The following CTNNA3 variants were observed in gnomAD, a reference collection of about 807,000 sequenced individuals.
CTNNA3 encodes catenin alpha-3.
In CTNNA3, 76 loss-of-function variants were observed where a neutral mutation model predicts 95.7. That is an observed-to-expected ratio of 0.79 (90% CI 0.66 to 0.96). CTNNA3 has a LOEUF of 0.96. Among genes scored for constraint, CTNNA3 ranks in the 40% least tolerant of loss-of-function variants. CTNNA3 has a pLI of 0.00. For synonymous variants in CTNNA3, 431 were observed against 374.4 expected, an observed-to-expected ratio of 1.15 and a Z score of -1.74; for missense variants, 1,191 against 1,089.8, an observed-to-expected ratio of 1.09 and a Z score of -1.31.
chr10:66,531,138 A>G (rs1040791455), intron 10 of CTNNA3, among the ~76,000 whole-genome samples: 2 of 152,166 alleles, frequency 1.3e-5, no homozygotes, highest in Non-Finnish European at 2.9e-5. Flanking sequence ...TAAATAAGTA[A>G]AAGAGGAAAA....
intron 11 of CTNNA3, among the ~76,000 whole-genome samples, chr10:66,422,122 A>G (rs1369451639): frequency 6.6e-6 from 1 of 151,956 alleles, no homozygotes; most frequent in Non-Finnish European, 1.5e-5. Flanking sequence ...CCTTAGAAGT[A>G]AACATTGCAC....
intron 5 of CTNNA3, among the ~76,000 whole-genome samples, chr10:67,420,847 C>T (rs1304727906): frequency 6.6e-6 from 1 of 151,890 alleles, no homozygotes; most frequent in African/African-American, 2.4e-5. Flanking sequence ...GATATTAATA[C>T]GTATAAAGTT....
chr10:66,681,278 C>T (rs1589116179), intron 9 of CTNNA3, among the ~76,000 whole-genome samples: 1 of 152,110 alleles, frequency 6.6e-6, no homozygotes, highest in East Asian at 1.9e-4. Context: ...CTCATTCTGC[C>T]ATCAATGTGC....
intron 1 of CTNNA3, among the ~76,000 whole-genome samples, chr10:67,661,876 A>C (rs183836950): frequency 1.7e-4 from 26 of 152,348 alleles, no homozygotes; most frequent in Admixed American, 1.6e-3. Flanking sequence ...TTGAAAGATT[A>C]TAAATACTGG....
At chr10:67,135,911 C>T (rs1447611441) in intron 7 of CTNNA3, among the ~76,000 whole-genome samples, 1 of 152,134 alleles carries the variant, frequency 6.6e-6, no homozygotes, top group Non-Finnish European at 1.5e-5. Flanking sequence ...TTTCAAGAAC[C>T]ACTTAAGAAG....
intron 5 of CTNNA3, among the ~76,000 whole-genome samples, chr10:67,440,722 T>C (rs1232719982): frequency 6.6e-6 from 1 of 152,062 alleles, no homozygotes; most frequent in Non-Finnish European, 1.5e-5. Context: ...CTAGATTCTA[T>C]ACAAGACCAC....
At chr10:67,001,454 G>T (rs1036130698) in intron 7 of CTNNA3, among the ~76,000 whole-genome samples, 4 of 151,860 alleles carry the variant, frequency 2.6e-5, no homozygotes, top group African/African-American at 9.7e-5. Flanking sequence ...ACAGGGGTGG[G>T]GGACAGAAGG....
chr10:67,656,845 G>A (rs1840038733), intron 1 of CTNNA3, among the ~76,000 whole-genome samples: 1 of 152,168 alleles, frequency 6.6e-6, no homozygotes, highest in Admixed American at 6.5e-5. Flanking sequence ...AGCATAGTAA[G>A]AGAGAAAGTC....
At chr10:66,705,048 A>G (rs1003595814) in intron 9 of CTNNA3, among the ~76,000 whole-genome samples, 1 of 152,070 alleles carries the variant, frequency 6.6e-6, no homozygotes, top group Admixed American at 6.6e-5. Flanking sequence ...CCCTCTTATC[A>G]AGTTGAAGAA....
chr10:67,131,422 AC>A (rs1859996366), intron 7 of CTNNA3, among the ~76,000 whole-genome samples: 1 of 152,120 alleles, frequency 6.6e-6, no homozygotes, highest in East Asian at 1.9e-4. Context: ...GCACAAATAA[AC>A]AACTATATAA....
chr10:67,287,587 T>G (rs567215647), intron 5 of CTNNA3, among the ~76,000 whole-genome samples: 2 of 152,216 alleles, frequency 1.3e-5, no homozygotes, highest in Non-Finnish European at 2.9e-5. Flanking sequence ...GAAGGATTTT[T>G]CTTCTTGTAG....
intron 13 of CTNNA3, among the ~76,000 whole-genome samples, chr10:66,269,011 G>A (rs771415471): frequency 2.6e-5 from 4 of 152,056 alleles, no homozygotes; most frequent in Non-Finnish European, 5.9e-5. Context: ...TGAGATCTGG[G>A]GGTTGTATTA....
chr10:67,062,675 A>G (rs955857873), intron 7 of CTNNA3, among the ~76,000 whole-genome samples: 1 of 152,192 alleles, frequency 6.6e-6, no homozygotes, highest in Non-Finnish European at 1.5e-5. Flanking sequence ...TCAATTCTGC[A>G]TCATCTCTGC....
At chr10:67,184,523 T>A (rs1206725471) in intron 6 of CTNNA3, among the ~76,000 whole-genome samples, 10 of 152,360 alleles carry the variant, frequency 6.6e-5, no homozygotes, top group African/African-American at 2.4e-4. Flanking sequence ...CAGAACTGTA[T>A]AAGCTGAAGC....
chr10:67,528,549 T>C (rs1840219192), intron 4 of CTNNA3, among the ~76,000 whole-genome samples: 1 of 152,162 alleles, frequency 6.6e-6, no homozygotes, highest in Non-Finnish European at 1.5e-5. Flanking sequence ...CACTACCTTC[T>C]TTCTCTAGTC....
intron 7 of CTNNA3, among the ~76,000 whole-genome samples, chr10:66,967,162 A>C (rs934614998): frequency 3.9e-5 from 6 of 152,012 alleles, no homozygotes; most frequent in African/African-American, 1.4e-4. Context: ...TTTTTCTGGA[A>C]ACGTGAGATT....
At chr10:66,043,531 T>C (rs763203590) in intron 15 of CTNNA3, among the ~76,000 whole-genome samples, 1 of 152,222 alleles carries the variant, frequency 6.6e-6, no homozygotes, top group Non-Finnish European at 1.5e-5. Flanking sequence ...ACTGTCCTTT[T>C]CTGTCAATGC....
At chr10:67,685,420 C>G (rs1315091768) in intron 1 of CTNNA3, among the ~76,000 whole-genome samples, 1 of 152,232 alleles carries the variant, frequency 6.6e-6, no homozygotes, top group Non-Finnish European at 1.5e-5. Flanking sequence ...ACTTACTGAA[C>G]ACCCATTGTC....
intron 1 of CTNNA3, among the ~76,000 whole-genome samples, chr10:67,726,992 TTA>T (rs1260776778): frequency 3.4e-5 from 4 of 116,026 alleles, no homozygotes; most frequent in East Asian, 2.4e-4. Flanking sequence ...ACATATATAA[TTA>T]TATATAATAT....
Sources: allele counts gnomAD v4.1 joint callset (sites outside exome capture counted in the v4.1 genomes callset), GRCh38; gene constraint gnomAD v4.1.1; transcripts MANE v1.5; gene names NCBI Gene and HGNC (gene_info 2026-07-23, HGNC 2026-07-21).